Variants in MEG3 observed in about 807,000 individuals in gnomAD.
MEG3 encodes Very putative protein from MEG3 locus.
At chr14:100,852,490 TCTC>T (rs2038112328), upstream of MEG3, 1 of 511,542 alleles carries the variant, frequency 2.0e-6, no homozygotes, top group South Asian at 1.4e-5. Context: ...CTGCTCTTCT[TCTC>T]TTTCAGAATC....
At chr14:100,850,021 G>T (rs993614050) in intron 3 of MEG3, 3 of 152,256 alleles carry the variant, frequency 2.0e-5, no homozygotes, top group Non-Finnish European at 4.4e-5. Context: ...ATAAATAAAA[G>T]AATAAATACT....
exon 1 of MEG3, chr14:100,834,262 C>T (rs575094673): frequency 3.6e-5 from 6 of 167,984 alleles, no homozygotes; most frequent in Non-Finnish European, 5.2e-5. Context: ...GCACTCTCCT[C>T]ACCCTCAAAC....
chr14:100,846,756 A>C (rs11160608), intron 3 of MEG3: 78,195 of 152,050 alleles, frequency 0.51, 21,325 homozygotes, highest in Admixed American at 0.65. Flanking sequence ...ATAGAAAAAA[A>C]CCAGTGAATC....
chr14:100,843,901 G>A (rs917090956), intron 2 of MEG3, among the ~76,000 whole-genome samples: 5 of 145,892 alleles, frequency 3.4e-5, no homozygotes, highest in Admixed American at 1.4e-4. Context: ...GGGTAGTGGC[G>A]CAATCTTGGC....
chr14:100,836,175 G>T (rs1412686645), exon 2 of MEG3: 1 of 455,508 alleles, frequency 2.2e-6, no homozygotes, highest in African/African-American at 2.0e-5. Flanking sequence ...AGGCACGTGG[G>T]CCGTGGCCCG....
chr14:100,831,375 C>CTG (rs1165118964), downstream of MEG3: 1 of 152,692 alleles, frequency 6.5e-6, no homozygotes, highest in Admixed American at 6.5e-5. Flanking sequence ...CAGGTCCCTG[C>CTG]TGTCATCTTT....
upstream of MEG3, chr14:100,856,946 C>T (rs1239190107): frequency 2.0e-5 from 3 of 152,216 alleles, no homozygotes; most frequent in African/African-American, 7.2e-5. Flanking sequence ...CCCCTCCCCC[C>T]AACTGACAAC....
chr14:100,841,541 A>C (rs1477180029), intron 2 of MEG3, among the ~76,000 whole-genome samples: 1 of 152,210 alleles, frequency 6.6e-6, no homozygotes, highest in Non-Finnish European at 1.5e-5. Flanking sequence ...GCGATCCCAG[A>C]GGCCCGGAGC....
At chr14:100,859,860 C>G (rs929934518) in exon 1 of MEG3, 1 of 152,312 alleles carries the variant, frequency 6.6e-6, no homozygotes, top group Admixed American at 6.5e-5. Flanking sequence ...CGCTGCATGC[C>G]GTGGGCTGGC....
intron 2 of MEG3, among the ~76,000 whole-genome samples, chr14:100,839,109 C>T (rs530437057): frequency 1.3e-5 from 2 of 152,250 alleles, no homozygotes; most frequent in Admixed American, 1.3e-4. Flanking sequence ...AAAATCTACC[C>T]ATCTTTAATG....
intron 2 of MEG3, among the ~76,000 whole-genome samples, chr14:100,842,156 C>T (rs1236834081): frequency 6.6e-6 from 1 of 152,150 alleles, no homozygotes; most frequent in East Asian, 1.9e-4. Context: ...GTTTTGTGAC[C>T]TTGGTTGCTA....
chr14:100,831,105 G>A (rs972554547), downstream of MEG3: 2 of 153,062 alleles, frequency 1.3e-5, no homozygotes, highest in Admixed American at 6.5e-5. Context: ...GTGAGTAATG[G>A]TAGTGAATGT....
At chr14:100,832,453 C>A (rs45579336), downstream of MEG3, 3,068 of 152,666 alleles carry the variant, frequency 0.02, 41 homozygotes, top group Non-Finnish European at 0.029. Context: ...CTCCCCCTTA[C>A]CCTGGCGGTG....
rs1440273256 is a variant in MEG3 at position 100,845,107 on chromosome 14, A to G, written n.3046-351A>G. Reference sequence around the variant, plus strand: ...GACCTGGGCACCTTGCTTCTGCCAGAGCACAGGTTCATGCCCTGTCTTCAG... The same window carrying G: ...GACCTGGGCACCTTGCTTCTGCCAGGGCACAGGTTCATGCCCTGTCTTCAG... On this transcript the variant is annotated intron_variant and non_coding_transcript_variant, in intron 2 of 3. Transcript: ENST00000398461. The surrounding 1 kb of genome is among the most constrained non-coding windows in gnomAD (Gnocchi z 5.2). Among the ~76,000 whole-genome samples, 1 of 152,176 alleles carries G rather than the reference A, an allele frequency of 6.6e-6. No homozygotes were observed. The highest frequency in any genetic ancestry group is 1.9e-4 in the East Asian group (1 of 5,180).
At chr14:100,827,243 T>TGG (rs1181892043) in intron 1 of MEG3, among the ~76,000 whole-genome samples, 1 of 127,234 alleles carries the variant, frequency 7.9e-6, no homozygotes, top group East Asian at 2.5e-4. Flanking sequence ...GCGGGCCTGG[T>TGG]GGGGGCGCAG....
exon 1 of MEG3, chr14:100,858,265 A>AG (rs2038299539): frequency 6.5e-6 from 1 of 152,770 alleles, no homozygotes; most frequent in African/African-American, 2.4e-5. Flanking sequence ...ATGAGGAAGG[A>AG]GGCTGTGCCC....
intron 2 of MEG3, chr14:100,836,341 G>A (rs147149937): frequency 1.1e-5 from 5 of 451,874 alleles, no homozygotes; most frequent in Admixed American, 2.4e-5. Context: ...TTTTATTAGG[G>A]TCAGCTCATG....
chr14:100,845,361 C>A lies in MEG3; in HGVS notation n.3046-97C>A, dbSNP rs72698773. 7.4e-4 allele frequency: 279 copies of A among 375,390 alleles called. No individual in the cohort carries two copies. Among genetic ancestry groups the A allele is most frequent in the Middle Eastern group, 1.5e-3 (4 of 2,684 alleles). The allele number at this position is 375,390 out of a possible 1,614,324, so 23.3% of individuals were successfully genotyped here. A position where few individuals can be genotyped will look rare whatever the true frequency, so the allele number is the denominator to read the frequency against. On this transcript the variant is annotated intron_variant and non_coding_transcript_variant, in intron 2 of 3. Coordinates refer to the MEG3 transcript ENST00000398461. This position sits in a 1 kb window ranked among gnomAD's most constrained non-coding sequence, Gnocchi z 5.2. Reference sequence around the variant, plus strand: ...GGGGAGTCTCTGCTCCAGGCCACCCCTGCCCGCCCCCCAGAGCTGTTGTCC... The same window carrying A: ...GGGGAGTCTCTGCTCCAGGCCACCCATGCCCGCCCCCCAGAGCTGTTGTCC...
chr14:100,836,187 C>A (rs755173015), exon 2 of MEG3: 1 of 456,122 alleles, frequency 2.2e-6, no homozygotes. Context: ...CGTGGCCCGG[C>A]TGGGTCGGCT....
Sources: allele counts gnomAD v4.1 joint callset (sites outside exome capture counted in the v4.1 genomes callset), GRCh38; gene constraint gnomAD v4.1.1; non-coding constraint Gnocchi (gnomAD v3.1); transcripts MANE v1.5; gene names NCBI Gene and HGNC (gene_info 2026-07-23, HGNC 2026-07-21).